EPHA6: variants seen among roughly 807,000 people sequenced by gnomAD.
EPHA6 encodes the protein EPH receptor A6, also known as ephrin type-A receptor 6.
EPHA6 carries 50 observed loss-of-function variants against 112.0 expected under a neutral mutation model. The observed-to-expected ratio is 0.45, with a 90% CI of 0.36 to 0.56. EPHA6 has a LOEUF of 0.56. EPHA6 is among the 20% of genes least tolerant of loss of function. EPHA6 has a pLI of 0.00. For synonymous variants in EPHA6, 529 were observed against 490.7 expected (o/e 1.08, Z -1.03); for missense variants, 1,280 against 1,417.4 (o/e 0.90, Z 1.56).
chr3:96,935,761 A>ATT, intron 2 of EPHA6, among the ~76,000 whole-genome samples: 1 of 147,870 alleles, frequency 6.8e-6, no homozygotes, highest in Admixed American at 6.8e-5. Context: ...CATTATATAT[A>ATT]TGTGTGTGTG....
chr3:96,978,809 G>T (rs561036155), intron 2 of EPHA6, among the ~76,000 whole-genome samples: 1 of 151,848 alleles, frequency 6.6e-6, no homozygotes, highest in African/African-American at 2.4e-5. Flanking sequence ...GGTTTATATC[G>T]GTTCTGATTA....
intron 2 of EPHA6, among the ~76,000 whole-genome samples, chr3:96,884,583 A>T (rs571047404): frequency 6.6e-6 from 1 of 152,264 alleles, no homozygotes; most frequent in Admixed American, 6.5e-5. Flanking sequence ...TGTATCCAGG[A>T]ACTTTGCTGA....
At chr3:97,222,723 G>T (rs1388062212) in intron 3 of EPHA6, among the ~76,000 whole-genome samples, 3 of 152,136 alleles carry the variant, frequency 2.0e-5, no homozygotes, top group Non-Finnish European at 4.4e-5. Context: ...TCTTCTACAG[G>T]AATTTAATTA....
At chr3:97,575,133 A>G (rs192338324) in intron 11 of EPHA6, among the ~76,000 whole-genome samples, 263 of 152,288 alleles carry the variant, frequency 1.7e-3, no homozygotes, top group African/African-American at 5.9e-3. Context: ...GGAAATTAGA[A>G]CATTGTCATT....
chr3:97,309,540 T>C (rs924139652), intron 5 of EPHA6, among the ~76,000 whole-genome samples: 1 of 151,634 alleles, frequency 6.6e-6, no homozygotes, highest in Admixed American at 6.6e-5. Flanking sequence ...AATATTTTTA[T>C]AACAGAAATC....
At position 96,814,847 on chromosome 3, in the gene EPHA6, C is replaced by T. The variant is rs1372999382; in HGVS notation, c.224C>T (p.Thr75Ile). Residue 75 changes from threonine to isoleucine, a missense_variant, in exon 1 of 18, where the codon ACC becomes ATC. This residue lies in a region of EPHA6 where 220 missense variants were observed against 171.5 expected (regional missense o/e 1.28). Coordinates refer to ENST00000389672, the MANE Select transcript of EPHA6 (RefSeq NM_001080448.3). ...VDKDPHPTQN[T>I]CLRCRHFSLR... ...AAGGACCCCCATCCTACCCAGAACA[C>T]CTGCCTGCGCTGCCGCCACTTCTCT... The T allele has an allele frequency of 6.4e-7, 1 of 1,568,554 alleles. No homozygotes were observed.
chr3:97,419,289 G>A (rs564844585), intron 6 of EPHA6, among the ~76,000 whole-genome samples: 1 of 151,506 alleles, frequency 6.6e-6, no homozygotes, highest in African/African-American at 2.4e-5. Context: ...GGCAACAAGA[G>A]CAAAACTCCA....
chr3:97,707,015 G>T (rs2033715924), intron 14 of EPHA6, among the ~76,000 whole-genome samples: 1 of 152,110 alleles, frequency 6.6e-6, no homozygotes, highest in African/African-American at 2.4e-5. Context: ...TGCCACCAGT[G>T]ACCTTCAGTG....
intron 7 of EPHA6, among the ~76,000 whole-genome samples, chr3:97,465,974 T>A (rs1210054790): frequency 6.6e-6 from 1 of 152,008 alleles, no homozygotes; most frequent in Non-Finnish European, 1.5e-5. Flanking sequence ...TTTGTTTTTT[T>A]TTCTTTTTTT....
intron 5 of EPHA6, among the ~76,000 whole-genome samples, chr3:97,346,075 T>C (rs972700565): frequency 3.3e-5 from 5 of 152,084 alleles, no homozygotes; most frequent in Admixed American, 3.3e-4. Flanking sequence ...ACCAGCAAGG[T>C]TTCTGATATT....
chr3:96,924,970 A>C (rs1391776998), intron 2 of EPHA6, among the ~76,000 whole-genome samples: 4 of 152,298 alleles, frequency 2.6e-5, no homozygotes, highest in African/African-American at 9.6e-5. Flanking sequence ...CATATGTTGA[A>C]ACAACCTCCT....
At chr3:97,555,684 T>C (rs1251006780) in intron 11 of EPHA6, among the ~76,000 whole-genome samples, 1 of 152,194 alleles carries the variant, frequency 6.6e-6, no homozygotes, top group Non-Finnish European at 1.5e-5. Flanking sequence ...CCAGTGATGG[T>C]GAGCATTTTT....
At chr3:97,135,740 T>TA (rs58000616) in intron 3 of EPHA6, among the ~76,000 whole-genome samples, 3,562 of 119,644 alleles carry the variant, frequency 0.03, 70 homozygotes, top group African/African-American at 0.075. Flanking sequence ...ATGGCAAGAT[T>TA]AAAAAAAAAA....
chr3:97,475,473 T>C lies in EPHA6; in HGVS notation c.2003+13T>C. 1 of 1,550,974 alleles carries C rather than the reference T, an allele frequency of 6.4e-7. No individual in the cohort carries two copies. The highest frequency in any genetic ancestry group is 1.7e-4 in the Middle Eastern group (1 of 5,932). ...TGATCACTGGGAGGTAACTGAAACATACCATACTATTTCCGAGATTTATGA... is the reference window on the plus strand; with the variant it reads ...TGATCACTGGGAGGTAACTGAAACACACCATACTATTTCCGAGATTTATGA... On this transcript the variant is annotated intron_variant, in intron 8 of 17. Coordinates refer to ENST00000389672, the MANE Select transcript of EPHA6 (RefSeq NM_001080448.3).
At chr3:97,173,558 A>G (rs2108433229) in intron 3 of EPHA6, among the ~76,000 whole-genome samples, 1 of 151,958 alleles carries the variant, frequency 6.6e-6, no homozygotes, top group South Asian at 2.1e-4. Flanking sequence ...CAGAACATTA[A>G]CTACACTCTT....
intron 5 of EPHA6, among the ~76,000 whole-genome samples, chr3:97,248,077 A>G (rs2079034196): frequency 6.6e-6 from 1 of 151,890 alleles, no homozygotes; most frequent in Non-Finnish European, 1.5e-5. Context: ...TGCTCTGTTT[A>G]TAATTAAACA....
chr3:97,451,139 C>A (rs2090514248), intron 7 of EPHA6, among the ~76,000 whole-genome samples: 3 of 151,874 alleles, frequency 2.0e-5, no homozygotes, highest in African/African-American at 7.2e-5. Flanking sequence ...GGGGCCAAAC[C>A]AAGAGCACTT....
At chr3:97,121,473 C>T (rs991530674) in intron 3 of EPHA6, among the ~76,000 whole-genome samples, 1 of 152,068 alleles carries the variant, frequency 6.6e-6, no homozygotes, top group Non-Finnish European at 1.5e-5. Context: ...CTTCCTCTCA[C>T]TCACATGTCA....
chr3:97,699,106 T>A (rs2033213178), intron 14 of EPHA6, among the ~76,000 whole-genome samples: 2 of 152,178 alleles, frequency 1.3e-5, no homozygotes, highest in South Asian at 4.1e-4. Flanking sequence ...AATATCCAGA[T>A]GCATATAGAC....
Sources: allele counts gnomAD v4.1 joint callset (sites outside exome capture counted in the v4.1 genomes callset), GRCh38; gene constraint gnomAD v4.1.1; regional missense constraint gnomAD v4.1.1; transcripts MANE v1.5; gene names NCBI Gene and HGNC (gene_info 2026-07-23, HGNC 2026-07-21).